The following PTPN21 variants were observed in gnomAD, a reference collection of about 807,000 sequenced individuals.
The protein encoded by PTPN21 is protein tyrosine phosphatase non-receptor type 21.
Under a neutral mutation model 131.8 loss-of-function variants are expected in PTPN21, and 77 were observed. That is an observed-to-expected ratio of 0.58 (90% confidence interval 0.49 to 0.71). The LOEUF is 0.71. PTPN21 is among the 30% of genes least tolerant of loss of function. The probability of loss-of-function intolerance (pLI) is 0.00; values close to 1 mark genes in which losing one functional copy is unlikely to be tolerated. For missense variants in PTPN21, 1,552 were observed against 1,527.1 expected (o/e 1.02, Z -0.27); for synonymous variants, 715 against 621.3 (o/e 1.15, Z -2.24).
intron 10 of PTPN21, among the ~76,000 whole-genome samples, chr14:88,493,331 G>C (rs2077853075): frequency 6.6e-6 from 1 of 152,186 alleles, no homozygotes; most frequent in Non-Finnish European, 1.5e-5. Context: ...GTGTCTATGG[G>C]GGCTGTATTT....
rs766286164 is a variant in PTPN21 at position 88,479,505 on chromosome 14, C to T, written c.1926G>A (p.Gly642=). The change falls in exon 13 of 19, where the codon GGG becomes GGA. Residue 642 remains glycine (G), a synonymous_variant. Coordinates refer to ENST00000556564, the MANE Select transcript of PTPN21 (RefSeq NM_007039.4). ...GCAGGCCCTCCAGGCCGTGGCTGAG[C>T]CCGGCCACCTCGATGCTGTTCCGTT... The part of the protein sequence containing the change: ...LHKRNSIEVA[G]LSHGLEGLRL... 3.1e-6 allele frequency: 5 copies of T among 1,601,118 alleles called. No homozygotes were observed. Among genetic ancestry groups the T allele is most frequent in the Non-Finnish European group, 3.4e-6 (4 of 1,179,218 alleles).
At chr14:88,498,681 A>C (rs2077962884) in intron 8 of PTPN21, among the ~76,000 whole-genome samples, 1 of 152,198 alleles carries the variant, frequency 6.6e-6, no homozygotes, top group South Asian at 2.1e-4. Flanking sequence ...ATAAGGCACA[A>C]AAGTGGGGGA....
chr14:88,496,346 G>C (rs1278251679), intron 10 of PTPN21, 67 bp downstream of exon 10: 1 of 1,336,756 alleles, frequency 7.5e-7, no homozygotes, highest in East Asian at 2.3e-5. Flanking sequence ...TGATGATACA[G>C]TATACTCAAG....
intron 3 of PTPN21, among the ~76,000 whole-genome samples, chr14:88,510,930 T>TG (rs1363394600): frequency 6.6e-6 from 1 of 151,670 alleles, no homozygotes; most frequent in Non-Finnish European, 1.5e-5. Flanking sequence ...TTTTTTTTTT[T>TG]GAGACAGGGT....
chr14:88,503,757 A>T (rs1221631682), intron 6 of PTPN21: 1 of 152,190 alleles, frequency 6.6e-6, no homozygotes, highest in Non-Finnish European at 1.5e-5. Context: ...TTTTCAACTT[A>T]CTATGGGTTT....
In PTPN21 at chr14:88,550,541, G is replaced by T; in HGVS notation, c.-124C>A. ...GACGAACACTGTCCGGCCTCCAGCTGCTCACCCAGCAGCCGCTGCCGCCAT... is the reference window on the plus strand; with the variant it reads ...GACGAACACTGTCCGGCCTCCAGCTTCTCACCCAGCAGCCGCTGCCGCCAT... On this transcript the variant is annotated 5_prime_UTR_variant, in exon 2 of 19. Transcript: ENST00000556564. 1 of 947,056 alleles carries T rather than the reference G, an allele frequency of 1.1e-6. No individual in the cohort carries two copies. The highest frequency in any genetic ancestry group is 1.5e-6 in the Non-Finnish European group (1 of 650,424). 58.7% of individuals were successfully genotyped at this position (947,056 alleles called of 1,614,324 possible).
chr14:88,501,029 T>C (rs1237881518), intron 7 of PTPN21, 158 bp from the exon 8 acceptor site: 5 of 644,446 alleles, frequency 7.8e-6, no homozygotes, highest in South Asian at 3.9e-5. Flanking sequence ...TATGATCTTA[T>C]AGGTAAGTAT....
chr14:88,480,270 A>T lies in PTPN21; in HGVS notation c.1161T>A (p.Gly387=), dbSNP rs757724608. Residue 387 remains glycine, a synonymous_variant, in exon 13 of 19, where the codon GGT becomes GGA. Transcript: ENST00000556564. ...SLDRAQIDLN[G]RIRNGSVYSA... ...TGTAGACACTGCCATTACGGATCCGACCGTTGAGGTCAATCTGGGCTCTAT... is the reference window on the plus strand; with the variant it reads ...TGTAGACACTGCCATTACGGATCCGTCCGTTGAGGTCAATCTGGGCTCTAT... The T allele has an allele frequency of 1.2e-6, 2 of 1,614,126 alleles. No homozygotes were observed. The highest frequency in any genetic ancestry group is 4.5e-5 in the East Asian group (2 of 44,872).
intron 12 of PTPN21, among the ~76,000 whole-genome samples, chr14:88,482,106 C>A (rs1425247399): frequency 6.6e-6 from 1 of 152,222 alleles, no homozygotes; most frequent in Non-Finnish European, 1.5e-5. Context: ...CACAGCATAG[C>A]CCTGCCTATC....
chr14:88,535,348 T>TC lies in PTPN21; in HGVS notation c.180+14889dup, dbSNP rs529704559. On this transcript the variant is annotated intron_variant, in intron 2 of 18. Transcript: ENST00000556564. The stretch of plus-strand genomic sequence containing the variant: ...TCCTTAAGTGACACATGGCTGTATT[T>TC]CCCCCGGGTGACAATGCCTGAGATT... 1.0e-3 allele frequency among the ~76,000 whole-genome samples: 158 copies of TC among 152,184 alleles called. 1 individual carries two copies. The highest frequency in any genetic ancestry group is 1.8e-3 in the Non-Finnish European group (120 of 68,010).
At chr14:88,480,819 G>T (rs1013939656) in intron 12 of PTPN21, among the ~76,000 whole-genome samples, 1 of 152,096 alleles carries the variant, frequency 6.6e-6, no homozygotes, top group Admixed American at 6.5e-5. Flanking sequence ...TGAGAGCTTC[G>T]ACTGTAAAAG....
At chr14:88,543,729 G>C (rs550375187) in intron 2 of PTPN21, among the ~76,000 whole-genome samples, 1 of 152,092 alleles carries the variant, frequency 6.6e-6, no homozygotes, top group Admixed American at 6.5e-5. Context: ...AAAGATCTAT[G>C]ATAAACCAAA....
rs538887086 is a variant in PTPN21 at position 88,524,178 on chromosome 14, G to A, written c.181-6917C>T. 3.3e-5 allele frequency among the ~76,000 whole-genome samples: 5 copies of A among 152,152 alleles called. No homozygotes were observed. In the East Asian group the frequency reaches 9.7e-4, roughly 29 times the overall value. ...GGCTCCAAATAGCCAAAACAATACT[G>A]AAAAAGAATAACAAAATTGGAGGAC... On this transcript the variant is annotated intron_variant, in intron 2 of 18. Transcript: ENST00000556564.
At position 88,513,195 on chromosome 14, in the gene PTPN21, C is replaced by G. The variant is rs533124227; in HGVS notation, c.350+3897G>C. Among the ~76,000 whole-genome samples, 5 of 152,134 alleles carry G rather than the reference C, an allele frequency of 3.3e-5. No homozygotes were observed. The South Asian group carries it at 1.0e-3, about 32-fold the overall frequency. ...TGTTTTGTTTTGTTTGAGATGGGCT[C>G]TCACCGTCGCCCAGGCTGGAGTGCA... On this transcript the variant is annotated intron_variant, in intron 3 of 18. Transcript: ENST00000556564.
intron 3 of PTPN21, among the ~76,000 whole-genome samples, chr14:88,508,255 T>A (rs1295504226): frequency 6.6e-6 from 1 of 151,890 alleles, no homozygotes; most frequent in Non-Finnish European, 1.5e-5. Context: ...GCTTAGGTGA[T>A]CCTCCCACCT....
chr14:88,505,240 G>T, intron 5 of PTPN21, 64 bp downstream of exon 5: 1 of 1,265,764 alleles, frequency 7.9e-7, no homozygotes, highest in South Asian at 1.3e-5. Flanking sequence ...TCATTTCAGG[G>T]ATTATTAAGG....
At chr14:88,502,439 G>A (rs777288055) in intron 6 of PTPN21, among the ~76,000 whole-genome samples, 22 of 151,944 alleles carry the variant, frequency 1.4e-4, no homozygotes, top group Admixed American at 2.6e-4. Flanking sequence ...AACACATTCC[G>A]CCCATACCCC....
At chr14:88,536,171 A>G (rs996828387) in intron 2 of PTPN21, among the ~76,000 whole-genome samples, 5 of 152,198 alleles carry the variant, frequency 3.3e-5, no homozygotes, top group East Asian at 1.9e-4. Context: ...TCAATTCTCA[A>G]TAGTCACTGT....
At chr14:88,521,171 AT>A (rs1359943709) in intron 2 of PTPN21, among the ~76,000 whole-genome samples, 2 of 152,092 alleles carry the variant, frequency 1.3e-5, no homozygotes, top group Non-Finnish European at 1.5e-5. Flanking sequence ...TAAAAATATC[AT>A]TTAGTTTCAC....
Sources: allele counts gnomAD v4.1 joint callset (sites outside exome capture counted in the v4.1 genomes callset), GRCh38; gene constraint gnomAD v4.1.1; transcripts MANE v1.5; gene names NCBI Gene and HGNC (gene_info 2026-07-23, HGNC 2026-07-21).